TTC19: variants seen among roughly 807,000 people sequenced by gnomAD.
TTC19 encodes the protein tetratricopeptide repeat protein 19, mitochondrial.
Under a neutral mutation model 49.5 loss-of-function variants are expected in TTC19, and 38 were observed. The observed-to-expected ratio is 0.77, with a 90% CI of 0.59 to 1.01. The LOEUF (loss-of-function observed/expected upper bound fraction) is 1.01. TTC19 is among the 50% of genes least tolerant of loss of function. TTC19 has a pLI of 0.00. For missense variants in TTC19, 475 were observed against 477.7 expected (o/e 0.99, Z 0.05); for synonymous variants, 204 against 185.2 (o/e 1.10, Z -0.83).
chr17:16,027,127 T>TACC (rs1971585646), intron 9 of TTC19: 3 of 553,282 alleles, frequency 5.4e-6, no homozygotes, highest in East Asian at 3.1e-5. Flanking sequence ...GTATTACACA[T>TACC]ACCACCATTC....
rs145977263 is a variant in TTC19, at chr17:16,040,080, G to A, written c.248-4423G>A. On this transcript the variant is annotated intron_variant, in intron 2 of 2. Coordinates refer to the TTC19 transcript ENST00000470649. Reference sequence around the variant, plus strand: ...GCTGGGATTACAGGCGTGAGCCACCGCACCCAGCCCAGAGACCATCTTAAT... The same window carrying A: ...GCTGGGATTACAGGCGTGAGCCACCACACCCAGCCCAGAGACCATCTTAAT... The A allele has an allele frequency of 2.7e-3, 1,252 of 459,102 alleles. 20 individuals carry two copies. Among genetic ancestry groups the A allele is most frequent in the African/African-American group, 0.022 (1,117 of 50,374 alleles). 28.4% of individuals were successfully genotyped at this position (459,102 alleles called of 1,614,324 possible). A position where few individuals can be genotyped will look rare whatever the true frequency, so the allele number is the denominator to read the frequency against.
intron 7 of TTC19, among the ~76,000 whole-genome samples, chr17:16,020,547 A>G (rs985853281): frequency 6.6e-6 from 1 of 152,128 alleles, no homozygotes; most frequent in South Asian, 2.1e-4. Context: ...TTGATTTGTA[A>G]TGACATCTCT....
At chr17:16,005,564 C>A (rs1970879012) in intron 6 of TTC19, among the ~76,000 whole-genome samples, 1 of 152,224 alleles carries the variant, frequency 6.6e-6, no homozygotes, top group Non-Finnish European at 1.5e-5. Context: ...ATTTCCTCTG[C>A]ATCTCTGTAA....
rs1567586814 is a variant in TTC19, at chr17:16,025,004, C to CT, written c.677-9dup. 1 of 1,613,798 alleles carries CT rather than the reference C, an allele frequency of 6.2e-7. No homozygotes were observed. Among genetic ancestry groups the CT allele is most frequent in the South Asian group, 1.1e-5 (1 of 91,066 alleles). On this transcript the variant is annotated splice_polypyrimidine_tract_variant and intron_variant, in intron 7 of 9. Coordinates refer to ENST00000261647, the MANE Select transcript of TTC19 (RefSeq NM_017775.4). ...CATTTGGGTAGATTTGCTGATTCCT[C>CT]TTTTCTCCTTAGTGGAAGAGAAAGC... is the stretch of plus-strand genomic sequence containing the variant.
At chr17:16,041,902 A>G (rs1433093845) in intron 2 of TTC19, among the ~76,000 whole-genome samples, 2 of 151,896 alleles carry the variant, frequency 1.3e-5, no homozygotes, top group Admixed American at 6.6e-5. Flanking sequence ...ATGCCTGGCT[A>G]ATTTTTTACA....
chr17:16,027,248 C>A, intron 9 of TTC19, 126 bp from the exon 10 acceptor site: 3 of 1,102,694 alleles, frequency 2.7e-6, no homozygotes, highest in South Asian at 1.4e-5. Flanking sequence ...AATGAGGCAG[C>A]ACCAGCTTGT....
chr17:16,016,442 G>A (rs1184609317), intron 7 of TTC19, among the ~76,000 whole-genome samples: 5 of 151,980 alleles, frequency 3.3e-5, no homozygotes, highest in Non-Finnish European at 4.4e-5. Context: ...CATTTGAGAA[G>A]TATGTGTATT....
chr17:16,006,638 GAA>G, intron 7 of TTC19, 70 bp downstream of exon 7: 2 of 1,080,270 alleles, frequency 1.9e-6, no homozygotes, highest in East Asian at 4.8e-5. Flanking sequence ...TTGAGAAATG[GAA>G]AGAGATCTAA....
At chr17:16,015,951 A>G (rs1411418029) in intron 7 of TTC19, among the ~76,000 whole-genome samples, 1 of 151,846 alleles carries the variant, frequency 6.6e-6, no homozygotes, top group African/African-American at 2.4e-5. Context: ...GTTTTTGTTA[A>G]TTTTGTTTAT....
intron 2 of TTC19, chr17:16,039,228 A>G (rs983808472): frequency 5.1e-5 from 29 of 573,860 alleles, no homozygotes; most frequent in Non-Finnish European, 7.7e-5. Context: ...ACTTTGGGTA[A>G]AAATTTTCTT....
chr17:16,039,333 A>G, intron 2 of TTC19: 1 of 1,173,458 alleles, frequency 8.5e-7, no homozygotes, highest in Non-Finnish European at 1.2e-6. Context: ...TGAGCACATA[A>G]AGACATAAAT....
In TTC19 at chr17:16,006,588, G is replaced by A; in HGVS notation, c.676+20G>A. The stretch of plus-strand genomic sequence containing the variant: ...TGTCAGGTAGGAAACCCATTATCTG[G>A]GCATTGCCTTTTCTCCACAAAAGGC... On this transcript the variant is annotated intron_variant, in intron 7 of 9. Coordinates refer to ENST00000261647, the MANE Select transcript of TTC19 (RefSeq NM_017775.4). The A allele has an allele frequency of 6.8e-7, 1 of 1,460,192 alleles. No individual in the cohort carries two copies. The highest frequency in any genetic ancestry group is 2.3e-5 in the East Asian group (1 of 44,154). The allele number at this position is 1,460,192 out of a possible 1,614,324, so 90.5% of individuals were successfully genotyped here. A position where few individuals can be genotyped will look rare whatever the true frequency, so the allele number is the denominator to read the frequency against.
chr17:16,001,930 G>A lies in TTC19; in HGVS notation c.328G>A (p.Asp110Asn). Reference sequence around the variant, plus strand: ...CCCTTTTCAGTTGAGCATTATGAAAGATGAGCCAGAAGAGGCTGAGTTAAT... The same window carrying A: ...CCCTTTTCAGTTGAGCATTATGAAAAATGAGCCAGAAGAGGCTGAGTTAAT... ...LKRAKLSIMK[D>N]EPEEAELILH... Residue 110 changes from aspartate (D) to asparagine (N), a missense_variant, in exon 3 of 10, where the codon GAT becomes AAT. Coordinates refer to ENST00000261647, the MANE Select transcript of TTC19 (RefSeq NM_017775.4). 1 of 1,612,652 alleles carries A rather than the reference G, an allele frequency of 6.2e-7. No homozygotes were observed.
At chr17:16,004,307 G>T in intron 6 of TTC19, 45 bp downstream of exon 6, 1 of 1,558,924 alleles carries the variant, frequency 6.4e-7, no homozygotes, top group South Asian at 1.1e-5. Context: ...AGGAAACTTT[G>T]ACTCTGGGAT....
In TTC19 at chr17:16,029,238, T is replaced by TA; in HGVS notation, c.*1717dup. On this transcript the variant is annotated 3_prime_UTR_variant, in exon 10 of 10. Coordinates refer to ENST00000261647, the MANE Select transcript of TTC19 (RefSeq NM_017775.4). ...CTCATGGTCTCGTTGTTGGAAACAC[T>TA]AGGAGTTTTCAGGACAGTCTCTTCA... 1 of 453,978 alleles carries TA rather than the reference T, an allele frequency of 2.2e-6. No homozygotes were observed. The highest frequency in any genetic ancestry group is 4.4e-6 in the Non-Finnish European group (1 of 226,742). The allele number at this position is 453,978 out of a possible 1,614,324, so 28.1% of individuals were successfully genotyped here. A position where few individuals can be genotyped will look rare whatever the true frequency, so the allele number is the denominator to read the frequency against.
chr17:16,012,464 G>T (rs1415556175), intron 7 of TTC19, among the ~76,000 whole-genome samples: 1 of 152,124 alleles, frequency 6.6e-6, no homozygotes, highest in Non-Finnish European at 1.5e-5. Flanking sequence ...GGGTGACAGA[G>T]CAAGACCCTG....
rs1284470983 is a variant in TTC19, at chr17:16,002,245, C to T, written c.423+220C>T. 6.6e-5 allele frequency among the ~76,000 whole-genome samples: 10 copies of T among 152,328 alleles called. No homozygotes were observed. The South Asian group carries it at 1.9e-3, about 28-fold the overall frequency. ...CCAGGCTGCAGTGCAGTGGCACAAT[C>T]TTGGCTCACTGCAGCCTCCGCCTCA... On this transcript the variant is annotated intron_variant, in intron 3 of 9. Transcript: ENST00000261647.
At chr17:16,006,337 G>C (rs1970906785) in intron 6 of TTC19, 137 bp from the exon 7 acceptor site, 1 of 700,510 alleles carries the variant, frequency 1.4e-6, no homozygotes. Flanking sequence ...TTGAACCCCG[G>C]AGGTGGAGGT....
At chr17:16,037,672 CAAAG>C in intron 2 of TTC19, among the ~76,000 whole-genome samples, 1 of 152,254 alleles carries the variant, frequency 6.6e-6, no homozygotes, top group Admixed American at 6.5e-5. Context: ...ATACACCACA[CAAAG>C]AAATAATATG....
Sources: gnomAD v4.1 joint callset for allele counts (sites outside exome capture counted in the v4.1 genomes callset) on GRCh38, gnomAD v4.1.1 for gene constraint, MANE v1.5 for transcripts, NCBI Gene and HGNC (gene_info 2026-07-23, HGNC 2026-07-21) for gene names.